The following CSMD1 variants were observed in gnomAD, a reference collection of about 807,000 sequenced individuals.
The protein encoded by CSMD1 is CUB and sushi domain-containing protein 1.
A neutral mutation model predicts 417.5 loss-of-function variants in CSMD1; 213 were observed. The ratio of observed to expected loss-of-function variants is 0.51; its 90% confidence interval spans 0.46 to 0.57. CSMD1 has a LOEUF of 0.57. CSMD1 is among the 20% of genes least tolerant of loss of function. The pLI is 0.00. For synonymous variants in CSMD1, 2,862 were observed against 1,736.8 expected, an observed-to-expected ratio of 1.65 and a Z score of -16.11; for missense variants, 6,923 against 4,529.7, an observed-to-expected ratio of 1.53 and a Z score of -15.17.
At chr8:3,681,973 A>G (rs1387329119) in intron 7 of CSMD1, among the ~76,000 whole-genome samples, 2 of 152,212 alleles carry the variant, frequency 1.3e-5, no homozygotes, top group African/African-American at 2.4e-5. Flanking sequence ...GGTGCTGGGA[A>G]AACTGGCTAG....
At chr8:3,297,257 G>C (rs776296648) in intron 25 of CSMD1, among the ~76,000 whole-genome samples, 8 of 152,134 alleles carry the variant, frequency 5.3e-5, no homozygotes, top group Non-Finnish European at 1.0e-4. Context: ...TCCCCAGAAT[G>C]ATCTATTGAT....
chr8:4,470,237 C>T (rs1000620772), intron 2 of CSMD1, among the ~76,000 whole-genome samples: 1 of 152,080 alleles, frequency 6.6e-6, no homozygotes, highest in African/African-American at 2.4e-5. Flanking sequence ...TCAGCCCTGC[C>T]AGGTCCATTT....
chr8:4,602,416 A>G (rs1800638965), intron 2 of CSMD1, among the ~76,000 whole-genome samples: 2 of 152,318 alleles, frequency 1.3e-5, no homozygotes, highest in South Asian at 4.1e-4. Flanking sequence ...TACGGAACAC[A>G]GGAACATGTT....
intron 12 of CSMD1, among the ~76,000 whole-genome samples, chr8:3,410,749 A>G (rs1273318831): frequency 6.6e-6 from 1 of 151,998 alleles, no homozygotes; most frequent in Admixed American, 6.6e-5. Flanking sequence ...TAAAATTATT[A>G]TTTTTTTGAG....
chr8:3,068,742 C>A (rs958458409), intron 49 of CSMD1, among the ~76,000 whole-genome samples: 7 of 152,120 alleles, frequency 4.6e-5, no homozygotes, highest in Non-Finnish European at 1.0e-4. Flanking sequence ...CTGAACAGAT[C>A]TCGTGAGAAC....
Position 2,974,453 on chromosome 8 carries a change from G to A in CSMD1, c.8738C>T (p.Thr2913Ile), listed in dbSNP as rs760750981. Reference protein sequence around the residue: ...SHWSGALPHCTGNNPGFCGDP... With the variant: ...SHWSGALPHCIGNNPGFCGDP... ...CAGTTCACTCGTAAGCCCCTCACCTGTGCAGTGGGGCAGTGCCCCGCTCCA... is the reference window on the plus strand; with the variant it reads ...CAGTTCACTCGTAAGCCCCTCACCTATGCAGTGGGGCAGTGCCCCGCTCCA... The change falls in exon 56 of 70, where the codon ACA becomes ATA. Residue 2913 changes from threonine to isoleucine, a missense_variant and splice_region_variant. Thr to Ile is a moderately conservative substitution (Grantham distance 89). Coordinates refer to ENST00000635120, the MANE Select transcript of CSMD1 (RefSeq NM_033225.6). 1.9e-6 allele frequency: 3 copies of A among 1,600,494 alleles called. No homozygotes were observed. Among genetic ancestry groups the A allele is most frequent in the East Asian group, 4.5e-5 (2 of 44,494 alleles).
chr8:2,969,094 C>T (rs562378588), intron 57 of CSMD1, among the ~76,000 whole-genome samples: 104 of 152,172 alleles, frequency 6.8e-4, no homozygotes, highest in African/African-American at 2.1e-3. Flanking sequence ...AATTTAAATT[C>T]CTTAGATATA....
At chr8:4,376,493 T>A (rs1482440006) in intron 3 of CSMD1, among the ~76,000 whole-genome samples, 1 of 152,240 alleles carries the variant, frequency 6.6e-6, no homozygotes, top group Non-Finnish European at 1.5e-5. Flanking sequence ...CATTTTTATA[T>A]GAATAGACCA....
At chr8:4,397,510 C>A (rs142384732) in intron 3 of CSMD1, among the ~76,000 whole-genome samples, 167 of 131,550 alleles carry the variant, frequency 1.3e-3, no homozygotes, top group African/African-American at 4.3e-3. Context: ...GCAATGTCAA[C>A]AAGCCTGAGA....
chr8:4,465,540 T>A (rs185340806), intron 2 of CSMD1, among the ~76,000 whole-genome samples: 1 of 152,240 alleles, frequency 6.6e-6, no homozygotes, highest in Non-Finnish European at 1.5e-5. Flanking sequence ...ACAACTCCAC[T>A]CTCAGAATGG....
At chr8:3,661,762 G>C (rs938469366) in intron 7 of CSMD1, among the ~76,000 whole-genome samples, 1 of 152,120 alleles carries the variant, frequency 6.6e-6, no homozygotes. Context: ...TTCCCAAAGT[G>C]CTGGGGTGAC....
chr8:4,117,390 C>G (rs368398025), intron 3 of CSMD1, among the ~76,000 whole-genome samples: 1 of 151,192 alleles, frequency 6.6e-6, no homozygotes, highest in Non-Finnish European at 1.5e-5. Flanking sequence ...CAAAGGAGCT[C>G]CCAAGCTGAA....
Position 3,174,411 on chromosome 8 carries a change from C to G in CSMD1, c.5725+6699G>C, listed in dbSNP as rs917759144. ...TCCAAAGGCTGAGGTGGGAGGATTG[C>G]TTGAACCCAAGAGGTTGAGACTGAA... On this transcript the variant is annotated intron_variant, in intron 37 of 69. Coordinates refer to ENST00000635120, the MANE Select transcript of CSMD1 (RefSeq NM_033225.6). Among the ~76,000 whole-genome samples the G allele has an allele frequency of 2.6e-5, 4 of 152,142 alleles. No homozygotes were observed. The East Asian group carries it at 7.7e-4, about 29-fold the overall frequency.
At chr8:3,710,473 G>T (rs1284029640) in intron 6 of CSMD1, among the ~76,000 whole-genome samples, 1 of 152,264 alleles carries the variant, frequency 6.6e-6, no homozygotes, top group Admixed American at 6.5e-5. Flanking sequence ...GACTGTGTGT[G>T]GCAGTGATTG....
chr8:3,809,565 A>G (rs1800946052), intron 5 of CSMD1, among the ~76,000 whole-genome samples: 1 of 152,090 alleles, frequency 6.6e-6, no homozygotes, highest in Non-Finnish European at 1.5e-5. Flanking sequence ...ATTCACTGGG[A>G]GAGCTTGTGA....
intron 1 of CSMD1, among the ~76,000 whole-genome samples, chr8:4,674,573 A>G (rs1805554672): frequency 6.6e-6 from 1 of 152,182 alleles, no homozygotes; most frequent in African/African-American, 2.4e-5. Context: ...ATGTACCACT[A>G]ACCGTTCTGG....
intron 49 of CSMD1, among the ~76,000 whole-genome samples, chr8:3,082,498 A>C (rs981747176): frequency 2.0e-5 from 3 of 151,960 alleles, no homozygotes; most frequent in African/African-American, 7.3e-5. Flanking sequence ...TATCATATTG[A>C]CTTGTACTTA....
rs562785563 is a variant in CSMD1, at chr8:4,962,346, G to A, written c.85+31986C>T. On this transcript the variant is annotated intron_variant, in intron 1 of 69. Transcript: ENST00000635120. ...CCATCTTTGCCTCCCAATTAGCTAG[G>A]ACTACAGGTGCAAGCCATCTTGACT... Among the ~76,000 whole-genome samples the A allele has an allele frequency of 9.2e-5, 14 of 152,142 alleles. No individual in the cohort carries two copies. In the East Asian group the frequency reaches 2.7e-3, roughly 30 times the overall value.
Position 4,888,250 on chromosome 8 carries a change from G to A in CSMD1, c.85+106082C>T, listed in dbSNP as rs868547828. ...GAAAATAAAGCTATATTTAGGAATC[G>A]ATAAGGAGTAATTTTCAAGATATGT... On this transcript the variant is annotated intron_variant, in intron 1 of 69. Coordinates refer to ENST00000635120, the MANE Select transcript of CSMD1 (RefSeq NM_033225.6). 5.9e-5 allele frequency among the ~76,000 whole-genome samples: 9 copies of A among 152,008 alleles called. No individual in the cohort carries two copies. In the East Asian group the frequency reaches 7.7e-4, roughly 13 times the overall value.
Sources: allele counts gnomAD v4.1 joint callset (sites outside exome capture counted in the v4.1 genomes callset), GRCh38; gene constraint gnomAD v4.1.1; transcripts MANE v1.5; gene names NCBI Gene and HGNC (gene_info 2026-07-23, HGNC 2026-07-21).